XYLT1: variants seen among roughly 807,000 people sequenced by gnomAD.
XYLT1 encodes xylosyltransferase 1, also known as beta-D-xylosyltransferase 1.
A neutral mutation model predicts 91.3 loss-of-function variants in XYLT1; 36 were observed. The ratio of observed to expected loss-of-function variants is 0.39; its 90% CI spans 0.30 to 0.52. The LOEUF (loss-of-function observed/expected upper bound fraction) is 0.52, where lower values mean the gene tolerates loss of function less well. Ranked by LOEUF, XYLT1 falls within the 20% of genes least tolerant of loss-of-function variation. The pLI is 0.68. For missense variants in XYLT1, 1,242 were observed against 1,284.5 expected (o/e 0.97, Z 0.51); for synonymous variants, 588 against 532.0 (o/e 1.11, Z -1.45).
At chr16:17,135,268 G>T (rs2030670839) in intron 8 of XYLT1, among the ~76,000 whole-genome samples, 1 of 152,184 alleles carries the variant, frequency 6.6e-6, no homozygotes, top group African/African-American at 2.4e-5. Context: ...ACAGCACCTA[G>T]GTTCTTCTGC....
chr16:17,132,909 A>G (rs1029159936), intron 9 of XYLT1, among the ~76,000 whole-genome samples: 1 of 152,206 alleles, frequency 6.6e-6, no homozygotes, highest in Admixed American at 6.5e-5. Flanking sequence ...AGAGCACTGT[A>G]TAACTAACTC....
intron 1 of XYLT1, among the ~76,000 whole-genome samples, chr16:17,442,624 C>T (rs1004950764): frequency 6.6e-6 from 1 of 152,128 alleles, no homozygotes; most frequent in Admixed American, 6.5e-5. Flanking sequence ...GCTCTGGATT[C>T]TCAATGAGCC....
intron 1 of XYLT1, among the ~76,000 whole-genome samples, chr16:17,395,619 C>T (rs950085265): frequency 6.6e-6 from 1 of 152,222 alleles, no homozygotes; most frequent in African/African-American, 2.4e-5. Flanking sequence ...CATTATAATA[C>T]TTTGAGCTCT....
chr16:17,119,399 G>A (rs1385785559), intron 10 of XYLT1, among the ~76,000 whole-genome samples: 1 of 152,230 alleles, frequency 6.6e-6, no homozygotes, highest in Non-Finnish European at 1.5e-5. Flanking sequence ...CAAATAACGG[G>A]TACAGTATGA....
At chr16:17,292,598 C>T (rs1010330606) in intron 2 of XYLT1, among the ~76,000 whole-genome samples, 5 of 152,150 alleles carry the variant, frequency 3.3e-5, no homozygotes, top group African/African-American at 1.2e-4. Context: ...ATTTACTGAG[C>T]GTCACCTGAA....
intron 1 of XYLT1, among the ~76,000 whole-genome samples, chr16:17,417,243 C>T (rs1209361626): frequency 2.0e-5 from 3 of 152,126 alleles, no homozygotes; most frequent in East Asian, 3.8e-4. Context: ...ACAACAGCCT[C>T]GTATAGTAAA....
At chr16:17,191,924 T>A (rs950046970) in intron 5 of XYLT1, among the ~76,000 whole-genome samples, 13 of 152,116 alleles carry the variant, frequency 8.5e-5, no homozygotes, top group African/African-American at 3.1e-4. Flanking sequence ...GGTTTCTGTA[T>A]ACATACACTG....
rs544650864 is a variant in XYLT1, at chr16:17,241,135, T to C, written c.913+17853A>G. The stretch of plus-strand genomic sequence containing the variant: ...CTCCGCTGATCTGCTGCAGTCTTTA[T>C]TGCTCTACAAATGCATTATTAATCA... On this transcript the variant is annotated intron_variant, in intron 3 of 11. Coordinates refer to ENST00000261381, the MANE Select transcript of XYLT1 (RefSeq NM_022166.4). Among the ~76,000 whole-genome samples the C allele has an allele frequency of 8.5e-5, 13 of 152,382 alleles. No homozygotes were observed. The South Asian group carries it at 2.7e-3, about 32-fold the overall frequency.
intron 2 of XYLT1, among the ~76,000 whole-genome samples, chr16:17,275,233 G>A (rs2033956471): frequency 6.6e-6 from 1 of 152,094 alleles, no homozygotes; most frequent in Non-Finnish European, 1.5e-5. Flanking sequence ...TATTGGGTAG[G>A]TGCAATTAGT....
At chr16:17,224,037 A>G (rs1185793102) in intron 3 of XYLT1, among the ~76,000 whole-genome samples, 1 of 152,242 alleles carries the variant, frequency 6.6e-6, no homozygotes, top group Non-Finnish European at 1.5e-5. Flanking sequence ...AAATTCTAGG[A>G]CCAGACCTCG....
At chr16:17,324,700 G>A (rs2141832984) in intron 2 of XYLT1, among the ~76,000 whole-genome samples, 1 of 152,224 alleles carries the variant, frequency 6.6e-6, no homozygotes, top group South Asian at 2.1e-4. Context: ...CGGTCATTGG[G>A]AATAAACATA....
chr16:17,141,123 T>G (rs1219309370), intron 7 of XYLT1, 30 bp downstream of exon 7: 3 of 1,607,212 alleles, frequency 1.9e-6, no homozygotes, highest in Non-Finnish European at 2.6e-6. Flanking sequence ...AGCCCCTATC[T>G]TTCTTGGGAA....
chr16:17,180,359 C>A (rs1597173115), intron 5 of XYLT1, among the ~76,000 whole-genome samples: 1 of 152,204 alleles, frequency 6.6e-6, no homozygotes, highest in African/African-American at 2.4e-5. Context: ...CCCAGGGTGG[C>A]AAATTTTAAA....
At chr16:17,403,072 C>A (rs1473702415) in intron 1 of XYLT1, among the ~76,000 whole-genome samples, 4 of 152,118 alleles carry the variant, frequency 2.6e-5, no homozygotes, top group African/African-American at 9.7e-5. Context: ...AGAGTGAGGA[C>A]CTCAAATATG....
At chr16:17,337,466 T>C (rs751863450) in intron 2 of XYLT1, among the ~76,000 whole-genome samples, 1 of 152,142 alleles carries the variant, frequency 6.6e-6, no homozygotes, top group Non-Finnish European at 1.5e-5. Flanking sequence ...ATTACAGGCG[T>C]GAGCCACCAT....
At chr16:17,223,608 G>T (rs1329678850) in intron 3 of XYLT1, among the ~76,000 whole-genome samples, 1 of 152,240 alleles carries the variant, frequency 6.6e-6, no homozygotes, top group African/African-American at 2.4e-5. Context: ...GATGCTGTGT[G>T]TTGAAGATAG....
intron 1 of XYLT1, among the ~76,000 whole-genome samples, chr16:17,384,758 T>C (rs2141886696): frequency 6.6e-6 from 1 of 151,998 alleles, no homozygotes; most frequent in African/African-American, 2.4e-5. Context: ...GCAAAGCTAT[T>C]AGCTAAAAGC....
intron 1 of XYLT1, among the ~76,000 whole-genome samples, chr16:17,397,555 TTACTC>T (rs1332500656): frequency 6.6e-6 from 1 of 152,138 alleles, no homozygotes; most frequent in Non-Finnish European, 1.5e-5. Flanking sequence ...ATTCCCCCCT[TTACTC>T]TATGTCTACA....
intron 2 of XYLT1, among the ~76,000 whole-genome samples, chr16:17,267,804 CCTAA>C (rs1280872393): frequency 6.6e-6 from 1 of 152,098 alleles, no homozygotes; most frequent in Non-Finnish European, 1.5e-5. Flanking sequence ...GGGCACAGTG[CCTAA>C]CTTTGTCTGC....
Sources: gnomAD v4.1 joint callset for allele counts (sites outside exome capture counted in the v4.1 genomes callset) on GRCh38, gnomAD v4.1.1 for gene constraint, MANE v1.5 for transcripts, NCBI Gene and HGNC (gene_info 2026-07-23, HGNC 2026-07-21) for gene names.